ERBB2: variants seen among roughly 807,000 people sequenced by gnomAD.
ERBB2 encodes the protein erb-b2 receptor tyrosine kinase 2, also known as receptor tyrosine-protein kinase erbB-2.
ERBB2 carries 61 observed loss-of-function variants against 149.0 expected under a neutral mutation model. The observed-to-expected ratio is 0.41, with a 90% CI of 0.33 to 0.51. The LOEUF is 0.51. ERBB2 is among the 20% of genes least tolerant of loss of function. The probability of loss-of-function intolerance (pLI) is 0.25; values close to 1 mark genes in which losing one functional copy is unlikely to be tolerated. For synonymous variants in ERBB2, 633 were observed against 678.8 expected (o/e 0.93, Z 1.05); for missense variants, 1,205 against 1,655.1 (o/e 0.73, Z 4.72).
In ERBB2 at chr17:39,727,982, A is replaced by T. The variant is rs750197828; in HGVS notation, c.3706A>T (p.Thr1236Ser). The T allele has an allele frequency of 1.9e-6, 3 of 1,613,058 alleles. No homozygotes were observed. The highest frequency in any genetic ancestry group is 1.7e-6 in the Non-Finnish European group (2 of 1,179,900). Residue 1236 changes from threonine to serine, a missense_variant, in exon 27 of 27, where the codon ACC becomes TCC. Physicochemically the swap from Thr to Ser is moderately conservative, Grantham distance 58. Transcript: ENST00000269571. The surrounding 1 kb of genome is among the most constrained non-coding windows in gnomAD (Gnocchi z 4.3). ...DPPERGAPPS[T>S]FKGTPTAENP... is the part of the protein sequence containing the mutation. ...ACCAGAGCGGGGGGCTCCACCCAGC[A>T]CCTTCAAAGGGACACCTACGGCAGA...
At chr17:39,689,955 A>G (rs897690532), upstream of ERBB2, among the ~76,000 whole-genome samples, 2 of 151,974 alleles carry the variant, frequency 1.3e-5, no homozygotes, top group African/African-American at 4.8e-5. Flanking sequence ...CTCATCCTAT[A>G]TTATGTCAAA....
In ERBB2 at chr17:39,726,066, G is replaced by A. The variant is rs2059740067; in HGVS notation, c.2872+213G>A. 5.5e-6 allele frequency: 3 copies of A among 547,414 alleles called. No individual in the cohort carries two copies. Among genetic ancestry groups the A allele is most frequent in the South Asian group, 4.8e-5 (2 of 41,824 alleles). The allele number at this position is 547,414 out of a possible 1,614,324, so 33.9% of individuals were successfully genotyped here. On this transcript the variant is annotated intron_variant, in intron 23 of 26. Transcript: ENST00000269571. The surrounding 1 kb of genome is among the most constrained non-coding windows in gnomAD (Gnocchi z 5.1). ...GTACAAAATTAAGCTGGGCACAGTG[G>A]CTCATGCCTGTAATCCCAGTACTTT...
intron 14 of ERBB2, chr17:39,717,082 C>T: frequency 2.0e-6 from 1 of 495,876 alleles, no homozygotes; most frequent in Non-Finnish European, 3.6e-6. Flanking sequence ...GCGTTTTCCT[C>T]TCTGGGTGCC....
At chr17:39,724,232 C>T (rs1323171117) in intron 19 of ERBB2, among the ~76,000 whole-genome samples, 1 of 144,944 alleles carries the variant, frequency 6.9e-6, no homozygotes, top group Non-Finnish European at 1.5e-5. Context: ...GATTTTCATG[C>T]CTCAGGCTCC....
At chr17:39,711,071 TG>T (rs1302579728) in intron 7 of ERBB2, among the ~76,000 whole-genome samples, 1 of 152,180 alleles carries the variant, frequency 6.6e-6, no homozygotes, top group East Asian at 1.9e-4. Flanking sequence ...CGCTAAATTT[TG>T]TATTTTTAGT....
At position 39,727,860 on chromosome 17, in the gene ERBB2, A is replaced by G. The variant is rs1347979949; in HGVS notation, c.3584A>G (p.Glu1195Gly). Residue 1195 changes from glutamate (E) to glycine (G), a missense_variant, in exon 27 of 27, where the codon GAG becomes GGG. Glu to Gly is a moderately conservative substitution (Grantham distance 98). Coordinates refer to ENST00000269571, the MANE Select transcript of ERBB2 (RefSeq NM_004448.4). The surrounding 1 kb of genome is among the most constrained non-coding windows in gnomAD (Gnocchi z 4.3). ...TTTGGGGGTGCCGTGGAGAACCCCG[A>G]GTACTTGACACCCCAGGGAGGAGCT... is the stretch of plus-strand genomic sequence containing the variant. The part of the protein sequence containing the change: ...FAFGGAVENP[E>G]YLTPQGGAAP... The G allele has an allele frequency of 1.2e-6, 2 of 1,614,032 alleles. No individual in the cohort carries two copies. Among genetic ancestry groups the G allele is most frequent in the East Asian group, 4.5e-5 (2 of 44,874 alleles).
chr17:39,699,555 A>G (rs2057967179), upstream of ERBB2: 2 of 1,534,776 alleles, frequency 1.3e-6, no homozygotes, highest in Non-Finnish European at 1.7e-6. Flanking sequence ...AAGATTCCAG[A>G]AGATATGCCC....
At chr17:39,708,778 G>T (rs1012944799) in intron 3 of ERBB2, among the ~76,000 whole-genome samples, 1 of 152,156 alleles carries the variant, frequency 6.6e-6, no homozygotes, top group African/African-American at 2.4e-5. Flanking sequence ...CCCCCACTTG[G>T]CTGAGTGAAG....
chr17:39,717,126 C>T, intron 14 of ERBB2, 194 bp from the exon 15 acceptor site: 1 of 516,216 alleles, frequency 1.9e-6, no homozygotes, highest in Non-Finnish European at 3.4e-6. Context: ...TGCCCAGGAT[C>T]AAGCTTGGAG....
chr17:39,724,764 C>T lies in ERBB2; in HGVS notation c.2346C>T (p.Val782=), dbSNP rs1567913003. 1 of 1,614,212 alleles carries T rather than the reference C, an allele frequency of 6.2e-7. No individual in the cohort carries two copies. The highest frequency in any genetic ancestry group is 8.5e-7 in the Non-Finnish European group (1 of 1,180,048). The change falls in exon 20 of 27, where the codon GTC becomes GTT. Residue 782 remains valine, a synonymous_variant. Coordinates refer to ENST00000269571, the MANE Select transcript of ERBB2 (RefSeq NM_004448.4). ...TGGCTGGTGTGGGCTCCCCATATGT[C>T]TCCCGCCTTCTGGGCATCTGCCTGA... is the stretch of plus-strand genomic sequence containing the variant. The part of the protein sequence containing the change: ...YVMAGVGSPY[V]SRLLGICLTS...
At position 39,716,510 on chromosome 17, in the gene ERBB2, C is replaced by T. The variant is rs746406521; in HGVS notation, c.1647-5C>T. 2.5e-6 allele frequency: 4 copies of T among 1,614,142 alleles called. No individual in the cohort carries two copies. The highest frequency in any genetic ancestry group is 3.4e-6 in the Non-Finnish European group (4 of 1,179,996). On this transcript the variant is annotated splice_polypyrimidine_tract_variant and splice_region_variant and intron_variant, in intron 13 of 26. Coordinates refer to ENST00000269571, the MANE Select transcript of ERBB2 (RefSeq NM_004448.4). ...AGACCCCCTCACCACTGTCCCTTCT[C>T]TCAGGCTCCCCAGGGAGTATGTGAA...
upstream of ERBB2, among the ~76,000 whole-genome samples, chr17:39,692,988 G>C (rs903594176): frequency 2.6e-5 from 4 of 152,080 alleles, no homozygotes; most frequent in Non-Finnish European, 5.9e-5. Flanking sequence ...CTTGAACCTA[G>C]GAGGCAGAGA....
rs2058662101 is a variant in ERBB2 at position 39,709,438 on chromosome 17, A to G, written c.560A>G (p.Asn187Ser). ...CTGGCTCTCACACTGATAGACACCA[A>G]CCGCTCTCGGGCCTGTAAGCCATGC... ...NQLALTLIDT[N>S]RSRACHPCSP... Residue 187 changes from asparagine (N) to serine (S), a missense_variant, in exon 4 of 27, where the codon AAC becomes AGC. Asn to Ser is a conservative substitution (Grantham distance 46, BLOSUM62 1). This residue lies in a region of ERBB2 where 569 missense variants were observed against 803.5 expected (regional missense o/e 0.71). Transcript: ENST00000269571. 43 of 1,613,846 alleles carry G rather than the reference A, an allele frequency of 2.7e-5. No individual in the cohort carries two copies. Among genetic ancestry groups the G allele is most frequent in the Non-Finnish European group, 3.6e-5 (42 of 1,179,944 alleles).
rs374098949 is a variant in ERBB2, at chr17:39,723,610, C to T, written c.2158C>T (p.Leu720=). The change falls in exon 18 of 27, where the codon CTG becomes TTG. Residue 720 remains leucine (L), a synonymous_variant. Transcript: ENST00000269571. The surrounding 1 kb of genome is among the most constrained non-coding windows in gnomAD (Gnocchi z 6.2). ...GATGCGGATCCTGAAAGAGACGGAG[C>T]TGAGGAAGGTGAAGGTGCTTGGATC... ...AQMRILKETE[L]RKVKVLGSGA... The T allele has an allele frequency of 2.5e-6, 4 of 1,607,220 alleles. No individual in the cohort carries two copies. The highest frequency in any genetic ancestry group is 3.4e-6 in the Non-Finnish European group (4 of 1,176,854).
intron 16 of ERBB2, among the ~76,000 whole-genome samples, chr17:39,721,126 T>C (rs1172959479): frequency 6.6e-6 from 1 of 152,088 alleles, no homozygotes; most frequent in Non-Finnish European, 1.5e-5. Flanking sequence ...TAAAAAATTT[T>C]TTTTGTATAG....
chr17:39,713,208 C>T (rs1049372520), intron 9 of ERBB2: 2 of 152,136 alleles, frequency 1.3e-5, no homozygotes, highest in African/African-American at 4.8e-5. Flanking sequence ...CTCACTGCAA[C>T]CTCTGCCTCC....
chr17:39,703,697 T>A (rs2145336683), intron 1 of ERBB2, among the ~76,000 whole-genome samples: 1 of 152,322 alleles, frequency 6.6e-6, no homozygotes, highest in East Asian at 1.9e-4. Flanking sequence ...TTGCTCAAGA[T>A]CACTCAGTGA....
chr17:39,698,260 A>ATTTTTT (rs200013520), upstream of ERBB2, among the ~76,000 whole-genome samples: 1 of 140,276 alleles, frequency 7.1e-6, no homozygotes, highest in Non-Finnish European at 1.6e-5. Context: ...TAGAGTCAAG[A>ATTTTTT]TTTTTTTTTT....
chr17:39,708,177 AT>A, intron 2 of ERBB2, 143 bp from the exon 3 acceptor site: 3 of 600,470 alleles, frequency 5.0e-6, no homozygotes, highest in Non-Finnish European at 8.8e-6. Flanking sequence ...CTTTATCTCT[AT>A]TTTATCGTTT....
Sources: allele counts gnomAD v4.1 joint callset (sites outside exome capture counted in the v4.1 genomes callset), GRCh38; gene constraint gnomAD v4.1.1; regional missense constraint gnomAD v4.1.1; non-coding constraint Gnocchi (gnomAD v3.1); transcripts MANE v1.5; gene names NCBI Gene and HGNC (gene_info 2026-07-23, HGNC 2026-07-21).